The following STX17 variants were observed in gnomAD, a reference collection of about 807,000 sequenced individuals.
The protein encoded by STX17 is syntaxin-17.
STX17 carries 29 observed loss-of-function variants against 35.9 expected under a neutral mutation model. The ratio of observed to expected loss-of-function variants is 0.81; its 90% CI spans 0.60 to 1.10. The LOEUF (loss-of-function observed/expected upper bound fraction) is 1.10. Ranked by LOEUF, STX17 falls within the 50% of genes least tolerant of loss-of-function variation. STX17 has a pLI of 0.00. For missense variants in STX17, 312 were observed against 352.3 expected (o/e 0.89, Z 0.92); for synonymous variants, 92 against 118.3 (o/e 0.78, Z 1.44).
rs146600853 is a variant in STX17, at chr9:99,940,224, G to A, written c.190-10836G>A. Among the ~76,000 whole-genome samples, 198 of 152,010 alleles carry A rather than the reference G, an allele frequency of 1.3e-3. 3 individuals carry two copies. In the East Asian group the frequency reaches 0.022, roughly 17 times the overall value. ...CAGCTCACTGCAACCACCACCTCCC[G>A]GGTTCAAGTGAGTCTCCTGCCTCAG... is the stretch of plus-strand genomic sequence containing the variant. On this transcript the variant is annotated intron_variant, in intron 3 of 7. Transcript: ENST00000259400.
intron 6 of STX17, 138 bp from the exon 7 acceptor site, chr9:99,967,515 C>A: frequency 7.0e-6 from 3 of 426,050 alleles, no homozygotes; most frequent in South Asian, 2.7e-5. Context: ...CATGGCTTAT[C>A]AGATGCTATT....
chr9:99,921,272 T>G (rs145813309), intron 2 of STX17, among the ~76,000 whole-genome samples: 550 of 152,320 alleles, frequency 3.6e-3, no homozygotes, highest in Admixed American at 7.6e-3. Flanking sequence ...CACTCTATAC[T>G]GACAGCTTTT....
intron 6 of STX17, among the ~76,000 whole-genome samples, chr9:99,963,739 G>T (rs949096238): frequency 1.3e-5 from 2 of 152,076 alleles, no homozygotes; most frequent in African/African-American, 4.8e-5. Context: ...TCCAACTGCT[G>T]AATCCTCTGT....
intron 3 of STX17, among the ~76,000 whole-genome samples, chr9:99,942,173 G>T (rs1829378411): frequency 6.6e-6 from 1 of 152,048 alleles, no homozygotes; most frequent in Non-Finnish European, 1.5e-5. Context: ...TGTTCTGGTG[G>T]GTAAGTTAAT....
intron 2 of STX17, chr9:99,916,272 C>T (rs1828768015): frequency 3.1e-6 from 1 of 322,876 alleles, no homozygotes; most frequent in East Asian, 8.2e-5. Context: ...ATCAAGTTTA[C>T]TCAGTACTGA....
chr9:99,915,912 G>A (rs962451369), intron 2 of STX17: 2 of 393,844 alleles, frequency 5.1e-6, no homozygotes, highest in Non-Finnish European at 1.0e-5. Flanking sequence ...TAATAATTAA[G>A]ATACAAATTG....
chr9:99,963,824 C>T (rs1829868763), intron 6 of STX17, among the ~76,000 whole-genome samples: 1 of 152,080 alleles, frequency 6.6e-6, no homozygotes. Flanking sequence ...GCCTATATAT[C>T]ATAGTATTTA....
At chr9:99,962,111 C>T (rs1829839454) in intron 6 of STX17, among the ~76,000 whole-genome samples, 1 of 152,176 alleles carries the variant, frequency 6.6e-6, no homozygotes, top group African/African-American at 2.4e-5. Flanking sequence ...TGCATTCCTT[C>T]TACAATATAA....
chr9:99,938,470 A>T (rs1457772746), intron 3 of STX17, among the ~76,000 whole-genome samples: 5 of 152,222 alleles, frequency 3.3e-5, no homozygotes, highest in Admixed American at 2.0e-4. Flanking sequence ...TCACTGAAGA[A>T]CATTAACTTG....
rs143054151 is a variant in STX17 at position 99,962,267 on chromosome 9, GA to G, written c.582+2114del. ...CTAAGTTAGAAGAAGCAAAATATTT[GA>G]AGTTTCTGGATTAGGTATCTGTACA... On this transcript the variant is annotated intron_variant, in intron 6 of 7. Coordinates refer to ENST00000259400, the MANE Select transcript of STX17 (RefSeq NM_017919.3). Among the ~76,000 whole-genome samples, 307 of 152,276 alleles carry G rather than the reference GA, an allele frequency of 2.0e-3. 1 individual carries two copies. The highest frequency in any genetic ancestry group is 7.1e-3 in the African/African-American group (294 of 41,566).
Position 99,960,001 on chromosome 9 carries a change from A to C in STX17, c.500A>C (p.Asn167Thr), listed in dbSNP as rs763684991. Residue 167 changes from asparagine to threonine, a missense_variant, in exon 5 of 8, where the codon AAT becomes ACT. By Grantham distance (65) the Asn-to-Thr change is moderately conservative (BLOSUM62 0). Transcript: ENST00000259400. ...TTACCTGAAATTCCTCAAGATCAAA[A>C]TGCTGCAGAATCGTGGGAAACCTTA... The part of the protein sequence containing the change: ...YALPEIPQDQ[N>T]AAESWETLEA... The C allele has an allele frequency of 6.2e-7, 1 of 1,614,084 alleles. No homozygotes were observed. The highest frequency in any genetic ancestry group is 1.1e-5 in the South Asian group (1 of 91,062).
chr9:99,951,216 C>T lies in STX17; in HGVS notation c.346C>T (p.Leu116Phe). Residue 116 changes from leucine (L) to phenylalanine (F), a missense_variant, in exon 4 of 8, where the codon CTT becomes TTT. Leu to Phe is a conservative substitution (Grantham distance 22). Coordinates refer to ENST00000259400, the MANE Select transcript of STX17 (RefSeq NM_017919.3). ...ACTCCATTTGGAATCTGTAGAAGAA[C>T]TTAAGAAGCAATTTAATGATGAAGA... Reference protein sequence around the residue: ...LQLHLESVEELKKQFNDEETL... With the variant: ...LQLHLESVEEFKKQFNDEETL... 6.2e-7 allele frequency: 1 copy of T among 1,613,040 alleles called. No individual in the cohort carries two copies. The highest frequency in any genetic ancestry group is 8.5e-7 in the Non-Finnish European group (1 of 1,179,210).
chr9:99,944,254 T>G (rs1411852730), intron 3 of STX17, among the ~76,000 whole-genome samples: 1 of 152,058 alleles, frequency 6.6e-6, no homozygotes, highest in African/African-American at 2.4e-5. Flanking sequence ...AATCTAGTTT[T>G]GGCTTGGTTA....
At chr9:99,952,393 A>G (rs1176320562) in intron 4 of STX17, among the ~76,000 whole-genome samples, 2 of 152,176 alleles carry the variant, frequency 1.3e-5, no homozygotes, top group Non-Finnish European at 2.9e-5. Flanking sequence ...GGTGCTGGAG[A>G]GGATGTGGAG....
chr9:99,962,962 A>G (rs1039115441), intron 6 of STX17, among the ~76,000 whole-genome samples: 1 of 152,144 alleles, frequency 6.6e-6, no homozygotes, highest in African/African-American at 2.4e-5. Flanking sequence ...AGACAAATTA[A>G]CCATGTATTT....
chr9:99,919,508 A>G (rs889665705), intron 2 of STX17, among the ~76,000 whole-genome samples: 5 of 152,154 alleles, frequency 3.3e-5, no homozygotes, highest in African/African-American at 1.2e-4. Context: ...CAACATATCC[A>G]TACTCTTTCT....
chr9:99,965,394 G>T (rs10116142), intron 6 of STX17, among the ~76,000 whole-genome samples: 7 of 152,108 alleles, frequency 4.6e-5, no homozygotes, highest in African/African-American at 1.7e-4. Context: ...ATCCTGGCAG[G>T]CTCCTCCCTC....
intron 6 of STX17, among the ~76,000 whole-genome samples, chr9:99,966,152 G>T (rs914675078): frequency 2.5e-4 from 38 of 152,198 alleles, no homozygotes; most frequent in Non-Finnish European, 4.9e-4. Context: ...AAACTCCGGG[G>T]ATTAGGCCCA....
At chr9:99,963,191 T>C (rs1020761073) in intron 6 of STX17, among the ~76,000 whole-genome samples, 6 of 152,174 alleles carry the variant, frequency 3.9e-5, no homozygotes, top group Non-Finnish European at 7.4e-5. Context: ...CAGATCAAGG[T>C]ATAGTACAAT....
Sources: allele counts gnomAD v4.1 joint callset (sites outside exome capture counted in the v4.1 genomes callset), GRCh38; gene constraint gnomAD v4.1.1; transcripts MANE v1.5; gene names NCBI Gene and HGNC (gene_info 2026-07-23, HGNC 2026-07-21).